Variants in ARHGEF28 observed in about 807,000 individuals in gnomAD.
The protein encoded by ARHGEF28 is Rho guanine nucleotide exchange factor 28.
ARHGEF28 carries 152 observed loss-of-function variants against 206.6 expected under a neutral mutation model. The observed-to-expected ratio is 0.74, with a 90% CI of 0.64 to 0.84. The LOEUF (loss-of-function observed/expected upper bound fraction) is 0.84, where lower values mean the gene tolerates loss of function less well. Among genes scored for constraint, ARHGEF28 ranks in the 40% least tolerant of loss-of-function variants. The pLI is 0.00. For missense variants in ARHGEF28, 2,028 were observed against 2,073.2 expected, an observed-to-expected ratio of 0.98 and a Z score of 0.42; for synonymous variants, 763 against 776.4, an observed-to-expected ratio of 0.98 and a Z score of 0.29.
At chr5:73,893,921 A>C (rs1761801602) in intron 28 of ARHGEF28, among the ~76,000 whole-genome samples, 1 of 152,202 alleles carries the variant, frequency 6.6e-6, no homozygotes, top group Non-Finnish European at 1.5e-5. Flanking sequence ...TTGAAATCTG[A>C]GGACAATGAT....
intron 12 of ARHGEF28, 66 bp from the exon 13 acceptor site, chr5:73,848,910 A>G (rs1758535017): frequency 1.8e-6 from 2 of 1,124,356 alleles, no homozygotes; most frequent in Admixed American, 2.4e-5. Flanking sequence ...GTAACATTTG[A>G]GGTGGTGAAT....
intron 10 of ARHGEF28, 144 bp from the exon 11 acceptor site, chr5:73,840,336 A>C (rs1757907699): frequency 5.5e-6 from 4 of 721,730 alleles, no homozygotes; most frequent in Non-Finnish European, 9.0e-6. Context: ...GCTAGTCTTG[A>C]ACTCCTGACC....
At chr5:73,710,567 A>G (rs113009572) in intron 2 of ARHGEF28, among the ~76,000 whole-genome samples, 16 of 152,244 alleles carry the variant, frequency 1.1e-4, no homozygotes, top group African/African-American at 3.6e-4. Context: ...CAGTCTATCA[A>G]TTTTTCTTTT....
chr5:73,833,691 T>G (rs910058877), intron 10 of ARHGEF28, among the ~76,000 whole-genome samples: 25 of 152,260 alleles, frequency 1.6e-4, no homozygotes, highest in African/African-American at 6.0e-4. Flanking sequence ...ACTGGGTAAT[T>G]TCTAAAGAAA....
At chr5:73,727,532 A>G (rs747953607) in intron 2 of ARHGEF28, among the ~76,000 whole-genome samples, 2 of 152,230 alleles carry the variant, frequency 1.3e-5, no homozygotes, top group African/African-American at 2.4e-5. Context: ...AAGAGAGTCC[A>G]TATTTGGACA....
At chr5:73,729,892 A>G (rs1361780478) in intron 2 of ARHGEF28, among the ~76,000 whole-genome samples, 1 of 152,232 alleles carries the variant, frequency 6.6e-6, no homozygotes, top group Admixed American at 6.5e-5. Flanking sequence ...AGGAGTAGAT[A>G]GTAGATAGGC....
At chr5:73,758,730 A>G (rs185276282) in intron 4 of ARHGEF28, among the ~76,000 whole-genome samples, 1 of 151,820 alleles carries the variant, frequency 6.6e-6, no homozygotes, top group East Asian at 1.9e-4. Context: ...TTATTTTTGT[A>G]TTTTTAGAGA....
At chr5:73,928,129 G>T (rs1763918380) in intron 35 of ARHGEF28, among the ~76,000 whole-genome samples, 1 of 152,202 alleles carries the variant, frequency 6.6e-6, no homozygotes, top group African/African-American at 2.4e-5. Flanking sequence ...AGTTGATAAA[G>T]AGGAAAAAAC....
intron 30 of ARHGEF28, 49 bp from the exon 31 acceptor site, chr5:73,901,135 G>A (rs375907853): frequency 1.1e-5 from 16 of 1,519,924 alleles, no homozygotes; most frequent in Admixed American, 1.8e-5. Context: ...TGGGCTGGCC[G>A]ATGTTTGACG....
intron 4 of ARHGEF28, among the ~76,000 whole-genome samples, chr5:73,769,969 G>A (rs568668630): frequency 1.5e-4 from 23 of 152,126 alleles, no homozygotes; most frequent in Non-Finnish European, 2.9e-4. Flanking sequence ...GGTTATGATC[G>A]ATTAGCCTAC....
intron 9 of ARHGEF28, among the ~76,000 whole-genome samples, chr5:73,800,803 C>G (rs377591888): frequency 1.3e-5 from 2 of 152,090 alleles, no homozygotes; most frequent in Non-Finnish European, 2.9e-5. Flanking sequence ...CTCCCCACCC[C>G]GAAAGTCCCC....
intron 1 of ARHGEF28, among the ~76,000 whole-genome samples, chr5:73,670,329 G>C (rs1364305507): frequency 1.3e-5 from 2 of 152,086 alleles, no homozygotes; most frequent in Non-Finnish European, 2.9e-5. Context: ...TCAATAGTTT[G>C]CTCCCTTTTA....
Position 73,886,081 on chromosome 5 carries a change from A to G in ARHGEF28, c.3287A>G (p.Lys1096Arg). The change falls in exon 25 of 36, where the codon AAA (lysine) becomes AGA (arginine). Residue 1096 changes from lysine (K) to arginine (R), a missense_variant. This residue lies in a region of ARHGEF28 where 803 missense variants were observed against 768.0 expected (regional missense o/e 1.05). Coordinates refer to ENST00000513042, the MANE Select transcript of ARHGEF28 (RefSeq NM_001177693.2). ...TTATATGATGGCCTTGTTTACTGGA[A>G]AACTGCTACAGGTCGTTTCAAAGGT... ...TLLYDGLVYW[K>R]TATGRFKDIL... 1 of 1,613,168 alleles carries G rather than the reference A, an allele frequency of 6.2e-7. No individual in the cohort carries two copies. Among genetic ancestry groups the G allele is most frequent in the Non-Finnish European group, 8.5e-7 (1 of 1,179,572 alleles).
chr5:73,748,341 A>T (rs549041724), intron 2 of ARHGEF28, among the ~76,000 whole-genome samples: 1 of 142,040 alleles, frequency 7.0e-6, no homozygotes, highest in Non-Finnish European at 1.6e-5. Context: ...ACTGCCAACC[A>T]GTGATTTTTT....
chr5:73,735,733 A>G (rs1414904425), intron 2 of ARHGEF28, among the ~76,000 whole-genome samples: 1 of 152,196 alleles, frequency 6.6e-6, no homozygotes, highest in African/African-American at 2.4e-5. Flanking sequence ...TTTGTCTTCC[A>G]AGCCCTCCAT....
intron 3 of ARHGEF28, 27 bp from the exon 4 acceptor site, chr5:73,752,882 T>C: frequency 6.2e-7 from 1 of 1,611,914 alleles, no homozygotes; most frequent in Non-Finnish European, 8.5e-7. Context: ...AGACTTGGGG[T>C]GAACTGTTCA....
At chr5:73,832,960 G>C (rs1235169208) in intron 10 of ARHGEF28, among the ~76,000 whole-genome samples, 1 of 152,194 alleles carries the variant, frequency 6.6e-6, no homozygotes, top group Non-Finnish European at 1.5e-5. Context: ...TATTAATACA[G>C]AATGGTATCA....
chr5:73,756,796 T>G (rs1246683820), intron 4 of ARHGEF28, among the ~76,000 whole-genome samples: 1 of 152,234 alleles, frequency 6.6e-6, no homozygotes, highest in East Asian at 1.9e-4. Context: ...GTTTTAATTT[T>G]GTACTTTAGA....
At position 73,863,702 on chromosome 5, in the gene ARHGEF28, G is replaced by A. The variant is rs902796947; in HGVS notation, c.2048-1115G>A. Among the ~76,000 whole-genome samples the A allele has an allele frequency of 5.3e-5, 8 of 151,250 alleles. No homozygotes were observed. The East Asian group carries it at 5.8e-4, about 11-fold the overall frequency. On this transcript the variant is annotated intron_variant, in intron 16 of 35. Coordinates refer to ENST00000513042, the MANE Select transcript of ARHGEF28 (RefSeq NM_001177693.2). ...TTCCTATTTCTGGATCTAGTATTCA[G>A]TGGTTGCTTCTTCTGGTGGGTTGTT...
Sources: allele counts gnomAD v4.1 joint callset (sites outside exome capture counted in the v4.1 genomes callset), GRCh38; gene constraint gnomAD v4.1.1; regional missense constraint gnomAD v4.1.1; transcripts MANE v1.5; gene names NCBI Gene and HGNC (gene_info 2026-07-23, HGNC 2026-07-21).